Variants in TNRC18 observed in about 807,000 individuals in gnomAD.
TNRC18 encodes trinucleotide repeat-containing gene 18 protein.
A neutral mutation model predicts 226.7 loss-of-function variants in TNRC18; 69 were observed. The observed-to-expected ratio is 0.30, with a 90% CI of 0.25 to 0.37. The LOEUF (loss-of-function observed/expected upper bound fraction) is 0.37. Among genes scored for constraint, TNRC18 ranks in the 10% least tolerant of loss-of-function variants. The pLI is 1.00. For synonymous variants in TNRC18, 2,449 were observed against 1,927.6 expected (o/e 1.27, Z -7.09); for missense variants, 4,754 against 4,256.6 (o/e 1.12, Z -3.25).
Position 5,377,227 on chromosome 7 carries a change from A to T in TNRC18, c.2461+144T>A. On this transcript the variant is annotated intron_variant, in intron 7 of 29. Coordinates refer to ENST00000430969, the MANE Select transcript of TNRC18 (RefSeq NM_001080495.3). This position sits in a 1 kb window ranked among gnomAD's most constrained non-coding sequence, Gnocchi z 5.8. ...GCCCCACGAGGCAGAGGCCATTATC[A>T]TTCCTTCTTCCGACGAATGCGGGAG... The T allele has an allele frequency of 9.1e-7, 1 of 1,104,096 alleles. No individual in the cohort carries two copies. The highest frequency in any genetic ancestry group is 1.3e-6 in the Non-Finnish European group (1 of 788,620). The allele number at this position is 1,104,096 out of a possible 1,614,324, so 68.4% of individuals were successfully genotyped here. A position where few individuals can be genotyped will look rare whatever the true frequency, so the allele number is the denominator to read the frequency against.
chr7:5,319,202 A>T (rs1788111088), intron 24 of TNRC18, among the ~76,000 whole-genome samples: 1 of 152,176 alleles, frequency 6.6e-6, no homozygotes, highest in African/African-American at 2.4e-5. Context: ...GGAAAAAACT[A>T]AGTCTTCCTG....
intron 18 of TNRC18, among the ~76,000 whole-genome samples, chr7:5,335,252 A>G (rs1472882745): frequency 7.3e-6 from 1 of 137,188 alleles, no homozygotes; most frequent in Non-Finnish European, 1.5e-5. Context: ...CAGTGAGCAG[A>G]CATTGCACCA....
At chr7:5,410,081 C>T (rs1412704312) in intron 2 of TNRC18, among the ~76,000 whole-genome samples, 1 of 151,088 alleles carries the variant, frequency 6.6e-6, no homozygotes, top group Non-Finnish European at 1.5e-5. Context: ...AAGGCTGAAG[C>T]GGGCAGATCA....
rs777351705 is a variant in TNRC18 at position 5,313,183 on chromosome 7, T to TGCTACTGCTGCC, written c.7696_7707dup (p.Gly2566_Ser2569dup). The TGCTACTGCTGCC allele has an allele frequency of 1.3e-3, 2,014 of 1,544,632 alleles. 1 individual carries two copies. Among genetic ancestry groups the TGCTACTGCTGCC allele is most frequent in the South Asian group, 2.6e-3 (220 of 83,864 alleles). ...CCGCTGCTGCTGCTGCTGCTGCTGC[T>TGCTACTGCTGCC]GCTACTGCTGCCACTACTGCTGCTG... is the stretch of plus-strand genomic sequence containing the variant. On this transcript the variant is annotated inframe_insertion, in exon 27 of 30. Coordinates refer to ENST00000430969, the MANE Select transcript of TNRC18 (RefSeq NM_001080495.3).
chr7:5,324,401 G>C lies in TNRC18; in HGVS notation c.6301-46C>G. 1.2e-6 allele frequency: 2 copies of C among 1,600,536 alleles called. No individual in the cohort carries two copies. Among genetic ancestry groups the C allele is most frequent in the Non-Finnish European group, 1.7e-6 (2 of 1,173,744 alleles). On this transcript the variant is annotated intron_variant, in intron 20 of 29. Transcript: ENST00000430969. This position sits in a 1 kb window ranked among gnomAD's most constrained non-coding sequence, Gnocchi z 4.8. Reference sequence around the variant, plus strand: ...ACAAATGACTTAGGACCTGAACAGGGGTCCTGCCGGGTTGGGGACCCTCTC... The same window carrying C: ...ACAAATGACTTAGGACCTGAACAGGCGTCCTGCCGGGTTGGGGACCCTCTC...
intron 18 of TNRC18, among the ~76,000 whole-genome samples, chr7:5,334,002 C>T (rs118187968): frequency 7.1e-4 from 108 of 152,296 alleles, no homozygotes; most frequent in Non-Finnish European, 1.2e-3. Context: ...GTGAGTGAGG[C>T]GTAGATGGCA....
Position 5,315,050 on chromosome 7 carries a change from C to T in TNRC18, c.6961G>A (p.Gly2321Arg), listed in dbSNP as rs1469224726. The T allele has an allele frequency of 6.2e-7, 1 of 1,610,298 alleles. No homozygotes were observed. The highest frequency in any genetic ancestry group is 2.2e-5 in the East Asian group (1 of 44,674). ...GCCTTGGCTCCTGGCTCCTCCGACC[C>T]AGCCGTGCCACCATCTTTGCCCTCC... is the stretch of plus-strand genomic sequence containing the variant. Reference protein sequence around the residue: ...TGEGKDGGTAGSEEPGAKARG... With the variant: ...TGEGKDGGTARSEEPGAKARG... Residue 2321 changes from glycine (G) to arginine (R), a missense_variant, in exon 26 of 30, where the codon GGG (glycine) becomes AGG (arginine). By Grantham distance (125) the Gly-to-Arg change is moderately radical. Transcript: ENST00000430969.
intron 29 of TNRC18, 38 bp downstream of exon 29, chr7:5,308,837 T>TCC: frequency 1.2e-6 from 1 of 834,154 alleles, no homozygotes; most frequent in Non-Finnish European, 2.0e-6. Flanking sequence ...GAAGCAGCCA[T>TCC]CCCCAACCCG....
At chr7:5,369,745 G>C (rs1021141673) in intron 11 of TNRC18, among the ~76,000 whole-genome samples, 2 of 152,088 alleles carry the variant, frequency 1.3e-5, no homozygotes, top group Non-Finnish European at 2.9e-5. Context: ...ATTCTCTCCT[G>C]CCTAAACCAA....
chr7:5,338,707 G>A (rs1452724405), intron 18 of TNRC18, among the ~76,000 whole-genome samples: 1 of 151,200 alleles, frequency 6.6e-6, no homozygotes, highest in East Asian at 1.9e-4. Flanking sequence ...GATCACGTGA[G>A]GTCGGGAGTT....
chr7:5,419,742 G>A (rs55876753), intron 2 of TNRC18: 4,865 of 151,346 alleles, frequency 0.032, 102 homozygotes, highest in Middle Eastern at 0.055. Flanking sequence ...GCCCCCGGGC[G>A]CGCGCCCCTC....
At chr7:5,420,076 C>A (rs564034914) in intron 2 of TNRC18, 2 of 234,536 alleles carry the variant, frequency 8.5e-6, no homozygotes, top group East Asian at 3.3e-4. Flanking sequence ...GGGCGGCCGC[C>A]GGGCAGGTCT....
At chr7:5,351,401 G>A (rs1012017760) in intron 17 of TNRC18, among the ~76,000 whole-genome samples, 53 of 151,940 alleles carry the variant, frequency 3.5e-4, no homozygotes, top group African/African-American at 1.2e-3. Context: ...AATGTTCCTC[G>A]GGAAGCCTCC....
chr7:5,402,902 T>C (rs568440443), intron 2 of TNRC18, among the ~76,000 whole-genome samples: 7 of 151,876 alleles, frequency 4.6e-5, no homozygotes, highest in African/African-American at 1.4e-4. Context: ...AAGGTCCTGA[T>C]TAGCTGGAGG....
chr7:5,370,105 C>A (rs991008430), intron 11 of TNRC18, among the ~76,000 whole-genome samples: 3 of 152,032 alleles, frequency 2.0e-5, no homozygotes, highest in South Asian at 4.2e-4. Context: ...CACTTGAGTC[C>A]AGGAGTTTGA....
chr7:5,391,456 C>G (rs768102852), intron 3 of TNRC18, among the ~76,000 whole-genome samples: 1 of 151,758 alleles, frequency 6.6e-6, no homozygotes, highest in Non-Finnish European at 1.5e-5. Flanking sequence ...GGATTACAGG[C>G]GCCTGCTACC....
chr7:5,310,938 G>A (rs1369587270), intron 27 of TNRC18, among the ~76,000 whole-genome samples: 1 of 151,806 alleles, frequency 6.6e-6, no homozygotes, highest in Non-Finnish European at 1.5e-5. Context: ...GTGTTCGTGT[G>A]TGCACGTGTT....
chr7:5,396,241 G>A (rs1347901511), intron 2 of TNRC18, among the ~76,000 whole-genome samples: 1 of 151,714 alleles, frequency 6.6e-6, no homozygotes, highest in Non-Finnish European at 1.5e-5. Context: ...TTAGCTACTC[G>A]GGAGGCTGAG....
chr7:5,376,276 A>C, intron 8 of TNRC18, 52 bp from the exon 9 acceptor site: 1 of 1,377,498 alleles, frequency 7.3e-7, no homozygotes, highest in Non-Finnish European at 9.5e-7. Flanking sequence ...CTCCACCACC[A>C]TGCCCATTAC....
Sources: gnomAD v4.1 joint callset for allele counts (sites outside exome capture counted in the v4.1 genomes callset) on GRCh38, gnomAD v4.1.1 for gene constraint, Gnocchi (gnomAD v3.1) non-coding constraint, MANE v1.5 for transcripts, NCBI Gene and HGNC (gene_info 2026-07-23, HGNC 2026-07-21) for gene names.